The following SYNE2 variants were observed in gnomAD, a reference collection of about 807,000 sequenced individuals.
SYNE2 encodes the protein spectrin repeat containing nuclear envelope protein 2, also known as nesprin-2.
Under a neutral mutation model 856.3 loss-of-function variants are expected in SYNE2, and 431 were observed. The observed-to-expected ratio is 0.50, with a 90% CI of 0.47 to 0.55. SYNE2 has a LOEUF of 0.55. Among genes scored for constraint, SYNE2 ranks in the 20% least tolerant of loss-of-function variants. The probability of loss-of-function intolerance (pLI) is 0.00; values close to 1 mark genes in which losing one functional copy is unlikely to be tolerated. For synonymous variants in SYNE2, 2,923 were observed against 2,872.3 expected (o/e 1.02, Z -0.56); for missense variants, 8,129 against 8,023.2 (o/e 1.01, Z -0.50).
rs773350109 is a variant in SYNE2 at position 64,053,588 on chromosome 14, T to C, written c.9675T>C (p.Asp3225=). ...QREENSSEAS[D]VETKLREFED... ...AAGAAAACTCTTCTGAAGCGAGTGATGTGGAGACAAAACTACGTGAGTTTG... is the reference window on the plus strand; with the variant it reads ...AAGAAAACTCTTCTGAAGCGAGTGACGTGGAGACAAAACTACGTGAGTTTG... Residue 3225 remains aspartate, a synonymous_variant, in exon 48 of 116, where the codon GAT becomes GAC. Coordinates refer to ENST00000555002, the MANE Select transcript of SYNE2 (RefSeq NM_182914.3). 1 of 1,614,018 alleles carries C rather than the reference T, an allele frequency of 6.2e-7. No homozygotes were observed. Among genetic ancestry groups the C allele is most frequent in the Non-Finnish European group, 8.5e-7 (1 of 1,179,990 alleles).
chr14:63,775,900 G>GTGTTTTT (rs1421388114), intron 1 of SYNE2, among the ~76,000 whole-genome samples: 2 of 152,142 alleles, frequency 1.3e-5, no homozygotes, highest in African/African-American at 4.8e-5. Context: ...ACATTAAAAA[G>GTGTTTTT]AGCCCCTAGT....
At chr14:63,948,800 A>ATGTATATGTGTGTGTG (rs74216992) in intron 6 of SYNE2, among the ~76,000 whole-genome samples, 2 of 100,928 alleles carry the variant, frequency 2.0e-5, no homozygotes, top group African/African-American at 7.7e-5. Flanking sequence ...ATATATATAT[A>ATGTATATGTGTGTGTG]TATATATATA....
At chr14:64,201,645 A>C (rs924622297) in intron 99 of SYNE2, among the ~76,000 whole-genome samples, 2 of 152,290 alleles carry the variant, frequency 1.3e-5, no homozygotes, top group African/African-American at 4.8e-5. Flanking sequence ...CTTTGGCTAC[A>C]GAACCAAAGG....
chr14:64,013,392 T>C lies in SYNE2; in HGVS notation c.4729-3081T>C, dbSNP rs2096863490. ...TTTCTTATATGCGTATATTGTGTAA[T>C]GGTGGAGTCTGGGCTTTTAGTGGAA... On this transcript the variant is annotated intron_variant, in intron 32 of 115. Coordinates refer to ENST00000555002, the MANE Select transcript of SYNE2 (RefSeq NM_182914.3). Among the ~76,000 whole-genome samples the C allele has an allele frequency of 3.3e-5, 5 of 151,596 alleles. No homozygotes were observed. The South Asian group carries it at 1.0e-3, about 32-fold the overall frequency.
chr14:63,913,103 T>C (rs116430158), intron 2 of SYNE2, among the ~76,000 whole-genome samples: 1 of 152,046 alleles, frequency 6.6e-6, no homozygotes, highest in African/African-American at 2.4e-5. Flanking sequence ...CTGGCTAACG[T>C]TTTTATTTTT....
intron 7 of SYNE2, among the ~76,000 whole-genome samples, chr14:63,952,289 T>C (rs1254116541): frequency 1.3e-5 from 2 of 152,204 alleles, no homozygotes; most frequent in Non-Finnish European, 2.9e-5. Flanking sequence ...CAGTGCTGGT[T>C]CAACACTCAA....
intron 1 of SYNE2, among the ~76,000 whole-genome samples, chr14:63,824,459 C>A (rs982735267): frequency 1.3e-5 from 2 of 151,548 alleles, no homozygotes; most frequent in Admixed American, 6.6e-5. Flanking sequence ...GCCAACAGGG[C>A]AAAACCCTAT....
rs759119535 is a variant in SYNE2 at position 64,078,530 on chromosome 14, A to G, written c.11087A>G (p.Asn3696Ser). Reference sequence around the variant, plus strand: ...ATGAGGAGAAAAATAGAAGAAATTAACAATGGGCTTCATAATGTTGAAAAG... The same window carrying G: ...ATGAGGAGAAAAATAGAAGAAATTAGCAATGGGCTTCATAATGTTGAAAAG... ...YAMRRKIEEI[N>S]NGLHNVEKML... is the part of the protein sequence containing the mutation. The change falls in exon 55 of 116, where the codon AAC becomes AGC. Residue 3696 changes from asparagine to serine, a missense_variant. Physicochemically the swap from Asn to Ser is conservative, Grantham distance 46 (BLOSUM62 1). Around this residue, in one of 3 missense-constraint regions of SYNE2, gnomAD observed 5,410 missense variants for 5,284.8 expected, o/e 1.02. Transcript: ENST00000555002. The G allele has an allele frequency of 1.2e-6, 2 of 1,614,164 alleles. No individual in the cohort carries two copies. Among genetic ancestry groups the G allele is most frequent in the South Asian group, 1.1e-5 (1 of 91,084 alleles).
chr14:64,119,752 A>T, intron 67 of SYNE2, 143 bp downstream of exon 67: 1 of 792,882 alleles, frequency 1.3e-6, no homozygotes, highest in Non-Finnish European at 2.0e-6. Context: ...AACACCATAG[A>T]TGAGTACACT....
Position 64,027,652 on chromosome 14 carries a change from A to G in SYNE2, c.6573A>G (p.Lys2191=). Reference sequence around the variant, plus strand: ...AGATTTATAAGAAATTCCTCAAGAAAGCCCAAGATTTGACATCCTTGCTAA... The same window carrying G: ...AGATTTATAAGAAATTCCTCAAGAAGGCCCAAGATTTGACATCCTTGCTAA... ...QLKIYKKFLK[K]AQDLTSLLKE... Residue 2191 remains lysine (K), a synonymous_variant, in exon 43 of 116, where the codon AAA becomes AAG. Transcript: ENST00000555002. 2 of 1,614,176 alleles carry G rather than the reference A, an allele frequency of 1.2e-6. No homozygotes were observed. Among genetic ancestry groups the G allele is most frequent in the East Asian group, 2.2e-5 (1 of 44,862 alleles).
At chr14:63,949,241 T>C (rs2096109509) in intron 6 of SYNE2, among the ~76,000 whole-genome samples, 1 of 152,226 alleles carries the variant, frequency 6.6e-6, no homozygotes. Flanking sequence ...TCTCATACTT[T>C]CACCATCACT....
chr14:64,110,234 A>G (rs1178925185), intron 65 of SYNE2, among the ~76,000 whole-genome samples: 1 of 152,260 alleles, frequency 6.6e-6, no homozygotes, highest in African/African-American at 2.4e-5. Context: ...ATGTAGCAAT[A>G]GCCAGAAAAT....
Position 64,122,321 on chromosome 14 carries a change from A to T in SYNE2, c.13316A>T (p.Asp4439Val). 1 of 1,614,142 alleles carries T rather than the reference A, an allele frequency of 6.2e-7. No individual in the cohort carries two copies. ...TCCAGCCCTGAAAATGACGTTCCAG[A>T]CTCGATCTTGTCACCCCAGGGCCAA... ...QASSPENDVPDSILSPQGQNG... is the reference protein window; with the variant it reads ...QASSPENDVPVSILSPQGQNG... The change falls in exon 70 of 116, where the codon GAC becomes GTC. Residue 4439 changes from aspartate (D) to valine (V), a missense_variant. By Grantham distance (152) the Asp-to-Val change is radical. Around this residue, in one of 3 missense-constraint regions of SYNE2, gnomAD observed 5,410 missense variants for 5,284.8 expected, o/e 1.02. Transcript: ENST00000555002.
At chr14:64,063,987 A>G (rs908690368) in intron 50 of SYNE2, among the ~76,000 whole-genome samples, 2 of 152,240 alleles carry the variant, frequency 1.3e-5, no homozygotes, top group African/African-American at 4.8e-5. Flanking sequence ...ACAATAACAG[A>G]GAAATTATAA....
intron 2 of SYNE2, among the ~76,000 whole-genome samples, chr14:63,929,121 A>T (rs2095710817): frequency 6.6e-6 from 1 of 151,950 alleles, no homozygotes; most frequent in Admixed American, 6.6e-5. Context: ...TAATGAGGCC[A>T]CTCTTGATGG....
chr14:64,033,556 C>T (rs898328239), intron 45 of SYNE2, among the ~76,000 whole-genome samples: 2 of 151,522 alleles, frequency 1.3e-5, no homozygotes, highest in Non-Finnish European at 2.9e-5. Context: ...GGTGGTGGCA[C>T]ATGCCTATAG....
chr14:64,209,273 G>T, intron 101 of SYNE2, 155 bp from the exon 102 acceptor site: 1 of 1,272,846 alleles, frequency 7.9e-7, no homozygotes, highest in Non-Finnish European at 1.1e-6. Flanking sequence ...CTCCCAGGCA[G>T]GAGGAGCACA....
At chr14:64,008,477 T>G (rs539790187) in intron 31 of SYNE2, among the ~76,000 whole-genome samples, 1 of 152,296 alleles carries the variant, frequency 6.6e-6, no homozygotes, top group Admixed American at 6.5e-5. Flanking sequence ...TTGCAAAAAT[T>G]TTTGAAACTG....
intron 83 of SYNE2, among the ~76,000 whole-genome samples, chr14:64,145,011 C>G (rs949620936): frequency 6.7e-6 from 1 of 149,206 alleles, no homozygotes; most frequent in Non-Finnish European, 1.5e-5. Context: ...ACTGCAACTT[C>G]CACCTCCCAG....
Sources: gnomAD v4.1 joint callset for allele counts (sites outside exome capture counted in the v4.1 genomes callset) on GRCh38, gnomAD v4.1.1 for gene constraint, gnomAD v4.1.1 regional missense constraint, MANE v1.5 for transcripts, NCBI Gene and HGNC (gene_info 2026-07-23, HGNC 2026-07-21) for gene names.